The following TNRC6C variants were observed in gnomAD, a reference collection of about 807,000 sequenced individuals.
TNRC6C encodes trinucleotide repeat containing adaptor 6C, also known as trinucleotide repeat-containing gene 6C protein.
In TNRC6C, 20 loss-of-function variants were observed where a neutral mutation model predicts 153.7. The ratio of observed to expected loss-of-function variants is 0.13; its 90% confidence interval spans 0.09 to 0.19. The LOEUF (loss-of-function observed/expected upper bound fraction) is 0.19, where lower values mean the gene tolerates loss of function less well. Among genes scored for constraint, TNRC6C ranks in the 10% least tolerant of loss-of-function variants. The pLI is 1.00. For missense variants in TNRC6C, 1,987 were observed against 2,172.0 expected (o/e 0.91, Z 1.69); for synonymous variants, 811 against 841.4 (o/e 0.96, Z 0.63).
intron 1 of TNRC6C, among the ~76,000 whole-genome samples, chr17:77,997,323 T>C (rs1294670959): frequency 6.6e-6 from 1 of 152,144 alleles, no homozygotes; most frequent in Non-Finnish European, 1.5e-5. Context: ...TTGTCATACC[T>C]CTCTTACGAT....
chr17:78,079,277 A>G lies in TNRC6C; in HGVS notation c.3211-118A>G, dbSNP rs2073137584. 1.4e-6 allele frequency: 2 copies of G among 1,430,716 alleles called. No homozygotes were observed. Among genetic ancestry groups the G allele is most frequent in the African/African-American group, 2.8e-5 (2 of 71,336 alleles). 88.6% of individuals were successfully genotyped at this position (1,430,716 alleles called of 1,614,324 possible). On this transcript the variant is annotated intron_variant, in intron 9 of 19. Coordinates refer to ENST00000301624, the Ensembl canonical transcript of TNRC6C. This position sits in a 1 kb window ranked among gnomAD's most constrained non-coding sequence, Gnocchi z 4.3. ...AAAATTCTCTTGGGTACAAGTTGACAGTGGTAGGAAGTAGAAACAATTTTG... is the reference window on the plus strand; with the variant it reads ...AAAATTCTCTTGGGTACAAGTTGACGGTGGTAGGAAGTAGAAACAATTTTG...
intron 3 of TNRC6C, among the ~76,000 whole-genome samples, chr17:78,063,248 A>AAT (rs372831568): frequency 4.2e-3 from 610 of 146,914 alleles, no homozygotes; most frequent in Admixed American, 6.9e-3. Context: ...CTGTCTCCAA[A>AAT]ATATATATAT....
chr17:77,975,593 TCAAA>T (rs1395688219), intron 1 of TNRC6C, among the ~76,000 whole-genome samples: 1 of 152,232 alleles, frequency 6.6e-6, no homozygotes, highest in Non-Finnish European at 1.5e-5. Context: ...AAATATTTAA[TCAAA>T]CATTTTTCTT....
At chr17:78,016,450 G>A (rs2071730405) in intron 1 of TNRC6C, among the ~76,000 whole-genome samples, 1 of 152,236 alleles carries the variant, frequency 6.6e-6, no homozygotes, top group Non-Finnish European at 1.5e-5. Flanking sequence ...TGCCTGTGGT[G>A]GTGGGTGGGA....
At chr17:77,997,664 T>A (rs574289996) in intron 1 of TNRC6C, among the ~76,000 whole-genome samples, 80 of 152,148 alleles carry the variant, frequency 5.3e-4, no homozygotes, top group African/African-American at 1.6e-3. Flanking sequence ...GTTTTTTTTT[T>A]TTATTTTTTT....
At chr17:78,010,215 A>G (rs1391174249) in intron 1 of TNRC6C, among the ~76,000 whole-genome samples, 1 of 152,222 alleles carries the variant, frequency 6.6e-6, no homozygotes, top group African/African-American at 2.4e-5. Flanking sequence ...TTGTTTATAA[A>G]GAGTATAATT....
chr17:78,011,640 A>G (rs771046268), intron 1 of TNRC6C, among the ~76,000 whole-genome samples: 26 of 152,236 alleles, frequency 1.7e-4, no homozygotes, highest in Non-Finnish European at 1.2e-4. Flanking sequence ...AGCTTCTTTT[A>G]ACATTTATGT....
intron 2 of TNRC6C, among the ~76,000 whole-genome samples, chr17:78,048,111 C>T (rs981499090): frequency 4.6e-5 from 7 of 151,552 alleles, no homozygotes; most frequent in African/African-American, 1.5e-4. Flanking sequence ...TGAGATTCTT[C>T]TTCCTTCTTT....
At chr17:78,006,496 TTCTTC>T (rs2071501945) in intron 1 of TNRC6C, among the ~76,000 whole-genome samples, 461 of 7,338 alleles carry the variant, frequency 0.063, 1 homozygote, top group African/African-American at 0.1. Context: ...TTCTTCTTTC[TTCTTC>T]TTCTTCTTCT....
chr17:78,105,228 T>A, exon 20 of TNRC6C: 1 of 171,444 alleles, frequency 5.8e-6, no homozygotes, highest in Non-Finnish European at 1.2e-5. Flanking sequence ...GAGGGAGACG[T>A]GAAGCCTATT....
chr17:78,100,837 G>A (rs1426237164), intron 17 of TNRC6C, among the ~76,000 whole-genome samples: 4 of 144,546 alleles, frequency 2.8e-5, no homozygotes, highest in Admixed American at 7.2e-5. Flanking sequence ...GTACAGTGGC[G>A]TGATCTCGGC....
intron 2 of TNRC6C, among the ~76,000 whole-genome samples, chr17:78,044,616 CA>C (rs1159172191): frequency 2.6e-5 from 4 of 152,194 alleles, no homozygotes; most frequent in Non-Finnish European, 5.9e-5. Flanking sequence ...GTTATTGTTT[CA>C]ATTGAGTTGG....
At chr17:78,000,615 T>TCCC (rs1410836302), upstream of TNRC6C, among the ~76,000 whole-genome samples, 6 of 13,496 alleles carry the variant, frequency 4.4e-4, no homozygotes, top group South Asian at 5.1e-3. Context: ...TCTTTCTCCC[T>TCCC]CCGCCCCCCC....
At chr17:78,011,353 C>A (rs1639403858) in intron 1 of TNRC6C, among the ~76,000 whole-genome samples, 1 of 152,194 alleles carries the variant, frequency 6.6e-6, no homozygotes, top group Non-Finnish European at 1.5e-5. Flanking sequence ...ACCCTACCCC[C>A]ATCTGTCTCT....
intron 1 of TNRC6C, among the ~76,000 whole-genome samples, chr17:78,005,458 A>G (rs1231008628): frequency 3.9e-5 from 6 of 152,222 alleles, no homozygotes; most frequent in Non-Finnish European, 7.4e-5. Flanking sequence ...ATAATAAAAA[A>G]GATATATTCT....
chr17:78,091,043 C>T (rs549985568), intron 13 of TNRC6C, among the ~76,000 whole-genome samples: 1 of 152,280 alleles, frequency 6.6e-6, no homozygotes, highest in South Asian at 2.1e-4. Context: ...TTATTCAGCA[C>T]TGAAACAAGT....
intron 1 of TNRC6C, among the ~76,000 whole-genome samples, chr17:78,018,541 G>T (rs28698915): frequency 0.085 from 12,901 of 151,810 alleles, 1,747 homozygotes; most frequent in African/African-American, 0.29. Flanking sequence ...TGACATGTTT[G>T]GGGGGGTGGA....
At chr17:78,020,735 A>G (rs1219476991) in intron 1 of TNRC6C, among the ~76,000 whole-genome samples, 1 of 152,262 alleles carries the variant, frequency 6.6e-6, no homozygotes, top group Non-Finnish European at 1.5e-5. Context: ...TGAAAGCAAC[A>G]GAAAAATTGT....
chr17:78,061,618 C>T (rs73999613), intron 3 of TNRC6C, among the ~76,000 whole-genome samples: 3,662 of 152,214 alleles, frequency 0.024, 150 homozygotes, highest in African/African-American at 0.082. Flanking sequence ...GAGGCTGCAG[C>T]GCACTATGAT....
Sources: gnomAD v4.1 joint callset for allele counts (sites outside exome capture counted in the v4.1 genomes callset) on GRCh38, gnomAD v4.1.1 for gene constraint, Gnocchi (gnomAD v3.1) non-coding constraint, MANE v1.5 for transcripts, NCBI Gene and HGNC (gene_info 2026-07-23, HGNC 2026-07-21) for gene names.